PHLDB3: variants seen among roughly 807,000 people sequenced by gnomAD.
PHLDB3 encodes the protein pleckstrin homology like domain family B member 3.
A neutral mutation model predicts 85.7 loss-of-function variants in PHLDB3; 86 were observed. The ratio of observed to expected loss-of-function variants is 1.00; its 90% CI spans 0.84 to 1.20. The LOEUF is 1.20. PHLDB3 is among the 50% of genes most tolerant of loss of function. The pLI is 0.00. For synonymous variants in PHLDB3, 376 were observed against 349.8 expected, an observed-to-expected ratio of 1.07 and a Z score of -0.83; for missense variants, 995 against 873.0, an observed-to-expected ratio of 1.14 and a Z score of -1.76.
chr19:43,485,730 T>C (rs891374542), intron 13 of PHLDB3, among the ~76,000 whole-genome samples: 28 of 151,754 alleles, frequency 1.8e-4, no homozygotes, highest in African/African-American at 6.3e-4. Context: ...CTAATTTTTG[T>C]ATTTTTAGTA....
At chr19:43,487,591 A>AAAAAAAAC (rs1167897767) in intron 9 of PHLDB3, among the ~76,000 whole-genome samples, 33 of 115,782 alleles carry the variant, frequency 2.9e-4, no homozygotes, top group African/African-American at 5.3e-4. Flanking sequence ...AAAAAAAAAA[A>AAAAAAAAC]ACACAGAAAA....
At chr19:43,498,210 A>G (rs1238657461) in intron 4 of PHLDB3, among the ~76,000 whole-genome samples, 1 of 151,806 alleles carries the variant, frequency 6.6e-6, no homozygotes, top group Non-Finnish European at 1.5e-5. Context: ...GTGTTAGTGC[A>G]CGCCTGTAGT....
chr19:43,483,360 C>A lies in PHLDB3; in HGVS notation c.1485+2906G>T, dbSNP rs527967546. The stretch of plus-strand genomic sequence containing the variant: ...GGGCGATTATAGCTCACTGCAGCCT[C>A]CACCCACTGGGCTCAAGCAATCCTC... On this transcript the variant is annotated intron_variant, in intron 13 of 15. Transcript: ENST00000292140. Among the ~76,000 whole-genome samples the A allele has an allele frequency of 2.6e-4, 40 of 152,038 alleles. No homozygotes were observed. The South Asian group carries it at 6.7e-3, about 25-fold the overall frequency.
intron 8 of PHLDB3, 69 bp from the exon 9 acceptor site, chr19:43,494,884 C>T (rs1450515565): frequency 7.5e-6 from 9 of 1,201,468 alleles, no homozygotes; most frequent in Middle Eastern, 2.1e-4. Context: ...TTTCCACGTG[C>T]TCTGGCCCAT....
Position 43,504,010 on chromosome 19 carries a change from C to T in PHLDB3, c.109G>A (p.Ala37Thr), listed in dbSNP as rs755399492. 1 of 1,613,944 alleles carries T rather than the reference C, an allele frequency of 6.2e-7. No homozygotes were observed. The highest frequency in any genetic ancestry group is 8.5e-7 in the Non-Finnish European group (1 of 1,179,820). ...GHPEESREQE[A>T]SEVLAEPSSR... ...GAAGGTTCCGCCAGGACTTCGGATG[C>T]CTCCTGTTCCCGGGACTCCTCGGGA... Residue 37 changes from alanine (A) to threonine (T), a missense_variant, in exon 2 of 16, where the codon GCA becomes ACA. By Grantham distance (58) the Ala-to-Thr change is moderately conservative. Transcript: ENST00000292140.
rs57901463 is a variant in PHLDB3 at position 43,503,280 on chromosome 19, G to GTCTCTC, written c.213+620_213+625dup. On this transcript the variant is annotated intron_variant, in intron 2 of 15. Coordinates refer to ENST00000292140, the MANE Select transcript of PHLDB3 (RefSeq NM_198850.4). ...GTAGTCTCTCCTGTCTGTCTATCTG[G>GTCTCTC]TCTCTCTCTCTCTCTCTCTCTCTCT... Among the ~76,000 whole-genome samples the GTCTCTC allele has an allele frequency of 7.0e-3, 987 of 141,946 alleles. 9 individuals carry two copies. The highest frequency in any genetic ancestry group is 0.011 in the Middle Eastern group (3 of 282). 93.1% of individuals were successfully genotyped at this position (141,946 alleles called of 152,430 possible). A position where few individuals can be genotyped will look rare whatever the true frequency, so the allele number is the denominator to read the frequency against.
chr19:43,500,909 A>ACCCCCCC (rs1248570317), intron 4 of PHLDB3, among the ~76,000 whole-genome samples: 12 of 17,160 alleles, frequency 7.0e-4, no homozygotes, highest in Admixed American at 1.2e-3. Flanking sequence ...CGCCCCCCGT[A>ACCCCCCC]CCCCCCCCCC....
chr19:43,494,791 G>T lies in PHLDB3; in HGVS notation c.1060C>A (p.Arg354Ser), dbSNP rs543150798. The T allele has an allele frequency of 6.2e-6, 10 of 1,612,818 alleles. No homozygotes were observed. Among genetic ancestry groups the T allele is most frequent in the Non-Finnish European group, 8.5e-6 (10 of 1,179,602 alleles). ...GCATCCTGGAGCACCAGCAGCTGGC[G>T]GTCTGTCTTCTGGGTGAACAGCAGC... ...TKLLFTQKTDRQLLVLQDAVA... is the reference protein window; with the variant it reads ...TKLLFTQKTDSQLLVLQDAVA... The change falls in exon 9 of 16, where the codon CGC (arginine) becomes AGC (serine). Residue 354 changes from arginine (R) to serine (S), a missense_variant. Transcript: ENST00000292140.
chr19:43,487,924 C>A (rs553376020), intron 9 of PHLDB3, among the ~76,000 whole-genome samples: 1 of 151,756 alleles, frequency 6.6e-6, no homozygotes, highest in African/African-American at 2.4e-5. Flanking sequence ...GAGGCCGAGG[C>A]GGGTGAATAA....
At chr19:43,478,002 C>G (rs897102710) in intron 15 of PHLDB3, 45 bp downstream of exon 15, 1 of 1,512,922 alleles carries the variant, frequency 6.6e-7, no homozygotes, top group East Asian at 2.3e-5. Context: ...CTGACTCCAA[C>G]TGAGTCTCCA....
intron 13 of PHLDB3, among the ~76,000 whole-genome samples, chr19:43,484,183 G>C (rs368968125): frequency 4.0e-5 from 6 of 150,800 alleles, no homozygotes; most frequent in Non-Finnish European, 7.4e-5. Context: ...CCCTGGAGGC[G>C]GAGATTGCAG....
At chr19:43,489,554 C>T (rs998718233) in intron 9 of PHLDB3, among the ~76,000 whole-genome samples, 7 of 152,120 alleles carry the variant, frequency 4.6e-5, no homozygotes, top group Non-Finnish European at 8.8e-5. Context: ...GAACAAGAGC[C>T]GCAGAGTCTT....
chr19:43,503,244 C>T (rs1375246312), intron 2 of PHLDB3, among the ~76,000 whole-genome samples: 2 of 151,350 alleles, frequency 1.3e-5, no homozygotes, highest in Non-Finnish European at 2.9e-5. Context: ...TCGTTTGGTT[C>T]TCTCTGTTCT....
rs190829586 is a variant in PHLDB3, at chr19:43,503,392, T to A, written c.213+514A>T. ...GTCATAGTTCACCGCAGCCTACAAC[T>A]CCTGGGCTCAAGCGATCCTCCTGCC... On this transcript the variant is annotated intron_variant, in intron 2 of 15. Transcript: ENST00000292140. 4.3e-4 allele frequency among the ~76,000 whole-genome samples: 66 copies of A among 152,046 alleles called. 2 individuals carry two copies. The East Asian group carries it at 0.012, about 28-fold the overall frequency.
chr19:43,491,507 A>AT (rs577903864), intron 9 of PHLDB3, among the ~76,000 whole-genome samples: 3,290 of 147,218 alleles, frequency 0.022, 106 homozygotes, highest in African/African-American at 0.078. Context: ...AAATAACAAG[A>AT]TTTTTTTTTT....
intron 9 of PHLDB3, among the ~76,000 whole-genome samples, chr19:43,494,340 C>CA (rs920844208): frequency 4.0e-5 from 6 of 151,684 alleles, no homozygotes. Context: ...GCTGCCCCCC[C>CA]ACCACCCCCG....
chr19:43,475,265 C>A lies in PHLDB3; in HGVS notation c.*145G>T. The A allele has an allele frequency of 8.3e-7, 1 of 1,197,908 alleles. No homozygotes were observed. Among genetic ancestry groups the A allele is most frequent in the Non-Finnish European group, 1.1e-6 (1 of 875,974 alleles). 74.2% of individuals were successfully genotyped at this position (1,197,908 alleles called of 1,614,324 possible). Reference sequence around the variant, plus strand: ...CCCAGAACGCAGCAGCTCAGGCCAGCTGAACTGCCGCGCCTGCGGAATTCC... The same window carrying A: ...CCCAGAACGCAGCAGCTCAGGCCAGATGAACTGCCGCGCCTGCGGAATTCC... On this transcript the variant is annotated 3_prime_UTR_variant, in exon 16 of 16. Coordinates refer to ENST00000292140, the MANE Select transcript of PHLDB3 (RefSeq NM_198850.4).
At chr19:43,492,643 A>G (rs929938354) in intron 9 of PHLDB3, among the ~76,000 whole-genome samples, 4 of 133,078 alleles carry the variant, frequency 3.0e-5, no homozygotes, top group Non-Finnish European at 6.5e-5. Flanking sequence ...AAAAAAAAAA[A>G]GGAAAAAAGA....
Position 43,475,307 on chromosome 19 carries a change from C to T in PHLDB3, c.*103G>A. Reference sequence around the variant, plus strand: ...CGGAATTCCCGGGAGAGTTCCAAAGCGGTGCGTCCAAGTTTTCCGGCAGTG... The same window carrying T: ...CGGAATTCCCGGGAGAGTTCCAAAGTGGTGCGTCCAAGTTTTCCGGCAGTG... On this transcript the variant is annotated 3_prime_UTR_variant, in exon 16 of 16. Transcript: ENST00000292140. The T allele has an allele frequency of 5.5e-6, 8 of 1,448,636 alleles. No individual in the cohort carries two copies. Among genetic ancestry groups the T allele is most frequent in the South Asian group, 1.3e-5 (1 of 76,502 alleles). The allele number at this position is 1,448,636 out of a possible 1,614,324, so 89.7% of individuals were successfully genotyped here.
Sources: allele counts gnomAD v4.1 joint callset (sites outside exome capture counted in the v4.1 genomes callset), GRCh38; gene constraint gnomAD v4.1.1; transcripts MANE v1.5; gene names NCBI Gene and HGNC (gene_info 2026-07-23, HGNC 2026-07-21).